The following GADL1 variants were observed in gnomAD, a reference collection of about 807,000 sequenced individuals.
The protein encoded by GADL1 is GAD like acidic amino acid decarboxylase 1, also known as acidic amino acid decarboxylase GADL1.
In GADL1, 71 loss-of-function variants were observed where a neutral mutation model predicts 69.5. The observed-to-expected ratio is 1.02, with a 90% CI of 0.84 to 1.25. GADL1 has a LOEUF of 1.25. Among genes scored for constraint, GADL1 ranks in the 50% most tolerant of loss-of-function variants. The pLI is 0.00. For missense variants in GADL1, 737 were observed against 631.8 expected, an observed-to-expected ratio of 1.17 and a Z score of -1.79; for synonymous variants, 254 against 214.4, an observed-to-expected ratio of 1.18 and a Z score of -1.62.
Position 30,800,806 on chromosome 3 carries a change from GACACACACACACACACACACACACACAC to G in GADL1, c.1250+55_1250+82del, listed in dbSNP as rs35529398. On this transcript the variant is annotated intron_variant, in intron 12 of 14. Coordinates refer to ENST00000282538, the MANE Select transcript of GADL1 (RefSeq NM_207359.3). ...GGTCTTCCTATTACAGACACAGATA[GACACACACACACACACACACACACACAC>G]ACACACACACACACACAGAAAGAGA... 7.7e-5 allele frequency: 56 copies of G among 727,060 alleles called. 1 individual carries two copies. The highest frequency in any genetic ancestry group is 1.3e-4 in the South Asian group (8 of 62,016). The allele number at this position is 727,060 out of a possible 1,614,324, so 45.0% of individuals were successfully genotyped here.
At chr3:30,889,805 TAA>T (rs1176895138) in intron 1 of GADL1, among the ~76,000 whole-genome samples, 2 of 152,210 alleles carry the variant, frequency 1.3e-5, no homozygotes, top group Non-Finnish European at 2.9e-5. Flanking sequence ...TGGTACAGTA[TAA>T]GTGATCTTAT....
chr3:30,808,663 T>C (rs540314931), intron 11 of GADL1, among the ~76,000 whole-genome samples: 18 of 152,320 alleles, frequency 1.2e-4, no homozygotes, highest in Non-Finnish European at 2.1e-4. Context: ...CCACTACTTT[T>C]ATGAATCTTT....
intron 8 of GADL1, among the ~76,000 whole-genome samples, chr3:30,842,232 G>T (rs749954922): frequency 2.0e-5 from 3 of 152,018 alleles, no homozygotes; most frequent in Non-Finnish European, 2.9e-5. Flanking sequence ...CTGAAGATTT[G>T]ATATTAAAAA....
intron 10 of GADL1, 73 bp downstream of exon 10, chr3:30,834,144 C>T: frequency 6.5e-6 from 8 of 1,237,116 alleles, no homozygotes; most frequent in Non-Finnish European, 9.3e-6. Context: ...TTCCTATTTT[C>T]AAAATATCAC....
In GADL1 at chr3:30,745,286, C is replaced by T. The variant is rs577230332; in HGVS notation, c.1393-16871G>A. 5.3e-5 allele frequency among the ~76,000 whole-genome samples: 8 copies of T among 152,118 alleles called. No individual in the cohort carries two copies. The East Asian group carries it at 7.7e-4, about 15-fold the overall frequency. ...AGGTGAAGCACAGAATCCTTTAAGT[C>T]GACATTTGCCGAGCAATTCAAACTT... On this transcript the variant is annotated intron_variant, in intron 14 of 14. Transcript: ENST00000282538.
chr3:30,794,645 G>T (rs556515349), intron 12 of GADL1, among the ~76,000 whole-genome samples: 36 of 152,166 alleles, frequency 2.4e-4, no homozygotes, highest in African/African-American at 8.2e-4. Context: ...TCTTCAATTG[G>T]GTTGACAGGG....
intron 1 of GADL1, among the ~76,000 whole-genome samples, chr3:30,876,434 G>A (rs79417153): frequency 0.032 from 4,836 of 152,080 alleles, 207 homozygotes; most frequent in African/African-American, 0.098. Context: ...CGCCGATCAT[G>A]GCTAATTTCA....
intron 1 of GADL1, among the ~76,000 whole-genome samples, chr3:30,877,551 T>C (rs1246085771): frequency 3.3e-5 from 5 of 151,936 alleles, no homozygotes; most frequent in Non-Finnish European, 5.9e-5. Context: ...AAAATGCATA[T>C]GAAGGAAATA....
At chr3:30,776,844 C>T (rs576707435) in intron 14 of GADL1, among the ~76,000 whole-genome samples, 61 of 152,320 alleles carry the variant, frequency 4.0e-4, no homozygotes, top group African/African-American at 1.5e-3. Context: ...TCTTTGCACC[C>T]CTGTGGTCTT....
intron 1 of GADL1, among the ~76,000 whole-genome samples, chr3:30,885,843 GT>G (rs1278229933): frequency 3.9e-5 from 6 of 151,974 alleles, no homozygotes; most frequent in Non-Finnish European, 7.4e-5. Context: ...CTGATCTCAA[GT>G]GATCCTCCTA....
At chr3:30,883,209 A>G (rs1484903561) in intron 1 of GADL1, among the ~76,000 whole-genome samples, 1 of 151,950 alleles carries the variant, frequency 6.6e-6, no homozygotes, top group Non-Finnish European at 1.5e-5. Context: ...TGTCATATCC[A>G]ATAAATCATT....
chr3:30,768,290 G>C (rs1040348692), intron 14 of GADL1, among the ~76,000 whole-genome samples: 1 of 152,084 alleles, frequency 6.6e-6, no homozygotes, highest in African/African-American at 2.4e-5. Context: ...CAAAACCCTG[G>C]AAACCTAAAT....
intron 4 of GADL1, among the ~76,000 whole-genome samples, chr3:30,851,237 AG>A (rs1698142399): frequency 6.6e-6 from 1 of 152,220 alleles, no homozygotes; most frequent in African/African-American, 2.4e-5. Flanking sequence ...GCTATGTATT[AG>A]CCATGAGCAG....
At chr3:30,740,976 AAT>A (rs1491568665) in intron 14 of GADL1, among the ~76,000 whole-genome samples, 7 of 129,324 alleles carry the variant, frequency 5.4e-5, no homozygotes, top group African/African-American at 2.3e-4. Context: ...ATTATATATT[AAT>A]ATATATTATA....
intron 14 of GADL1, among the ~76,000 whole-genome samples, chr3:30,753,055 ACT>A (rs1268808874): frequency 6.6e-6 from 1 of 152,086 alleles, no homozygotes; most frequent in Non-Finnish European, 1.5e-5. Flanking sequence ...TAAACCAGCT[ACT>A]CTTTAAAATC....
chr3:30,862,987 T>A (rs940245798), intron 1 of GADL1, among the ~76,000 whole-genome samples: 1 of 151,792 alleles, frequency 6.6e-6, no homozygotes, highest in Non-Finnish European at 1.5e-5. Flanking sequence ...TTCAAACACA[T>A]GTACAAAGAG....
At position 30,728,168 on chromosome 3, in the gene GADL1, G is replaced by A; in HGVS notation, c.*74C>T. ...CTCATCAGAAGGGCTGCAATCTACT[G>A]TGTATCTCCAAGATGTTCTGGATCT... On this transcript the variant is annotated 3_prime_UTR_variant, in exon 15 of 15. Coordinates refer to ENST00000282538, the MANE Select transcript of GADL1 (RefSeq NM_207359.3). The A allele has an allele frequency of 7.5e-7, 1 of 1,326,112 alleles. No individual in the cohort carries two copies. The highest frequency in any genetic ancestry group is 1.7e-5 in the Admixed American group (1 of 57,664). 82.1% of individuals were successfully genotyped at this position (1,326,112 alleles called of 1,614,324 possible). A position where few individuals can be genotyped will look rare whatever the true frequency, so the allele number is the denominator to read the frequency against.
intron 1 of GADL1, among the ~76,000 whole-genome samples, chr3:30,875,816 T>C (rs1181464924): frequency 6.6e-6 from 1 of 151,864 alleles, no homozygotes; most frequent in African/African-American, 2.4e-5. Flanking sequence ...ACCAGCATAT[T>C]GCAGTTTATC....
intron 12 of GADL1, chr3:30,798,485 C>T (rs1697094241): frequency 6.6e-6 from 1 of 152,074 alleles, no homozygotes; most frequent in South Asian, 2.1e-4. Flanking sequence ...TGGGGGAAAC[C>T]ACCCCCATGA....
Sources: allele counts gnomAD v4.1 joint callset (sites outside exome capture counted in the v4.1 genomes callset), GRCh38; gene constraint gnomAD v4.1.1; transcripts MANE v1.5; gene names NCBI Gene and HGNC (gene_info 2026-07-23, HGNC 2026-07-21).